Variants in SDK2 observed in about 807,000 individuals in gnomAD.
SDK2 encodes the protein protein sidekick-2.
Under a neutral mutation model 253.9 loss-of-function variants are expected in SDK2, and 105 were observed. The ratio of observed to expected loss-of-function variants is 0.41; its 90% confidence interval spans 0.35 to 0.49. The LOEUF is 0.49. Ranked by LOEUF, SDK2 falls within the 20% of genes least tolerant of loss-of-function variation. SDK2 has a pLI of 0.06. For synonymous variants in SDK2, 1,249 were observed against 1,234.9 expected (o/e 1.01, Z -0.24); for missense variants, 2,608 against 3,003.0 (o/e 0.87, Z 3.07).
Position 73,570,002 on chromosome 17 carries a change from T to G in SDK2, c.65-62405A>C, listed in dbSNP as rs1156631059. Among the ~76,000 whole-genome samples, 4 of 152,076 alleles carry G rather than the reference T, an allele frequency of 2.6e-5. No homozygotes were observed. The highest frequency in any genetic ancestry group is 4.4e-5 in the Non-Finnish European group (3 of 68,002). The stretch of plus-strand genomic sequence containing the variant: ...GCAGCCATGGACACGGGACACTTAC[T>G]CTGGGTGAAGGATGAGGAGCAGGAC... On this transcript the variant is annotated intron_variant, in intron 1 of 44. Transcript: ENST00000392650. This position sits in a 1 kb window ranked among gnomAD's most constrained non-coding sequence, Gnocchi z 4.2.
chr17:73,486,156 G>A (rs1010227093), intron 2 of SDK2, among the ~76,000 whole-genome samples: 1 of 152,050 alleles, frequency 6.6e-6, no homozygotes, highest in Non-Finnish European at 1.5e-5. Flanking sequence ...GGAGAGGAGG[G>A]GTCTGGACAG....
At chr17:73,568,855 C>A (rs988429882) in intron 1 of SDK2, among the ~76,000 whole-genome samples, 1 of 152,198 alleles carries the variant, frequency 6.6e-6, no homozygotes, top group Non-Finnish European at 1.5e-5. Flanking sequence ...CGCTGGACAG[C>A]AGGGCCCACC....
intron 20 of SDK2, 118 bp from the exon 21 acceptor site, chr17:73,401,329 G>T: frequency 1.0e-6 from 1 of 968,808 alleles, no homozygotes; most frequent in East Asian, 2.6e-5. Context: ...GGGAGCAATG[G>T]GGCCAAGGGA....
intron 1 of SDK2, among the ~76,000 whole-genome samples, chr17:73,588,803 A>G (rs1442034639): frequency 6.6e-6 from 1 of 152,252 alleles, no homozygotes; most frequent in Admixed American, 6.5e-5. Context: ...TCCAGGGCCA[A>G]TGCACAAGCA....
intron 39 of SDK2, among the ~76,000 whole-genome samples, chr17:73,359,566 C>T (rs2062623728): frequency 6.6e-6 from 1 of 152,214 alleles, no homozygotes; most frequent in African/African-American, 2.4e-5. Flanking sequence ...CAGGAGCTTC[C>T]AGCGAGTCCA....
At position 73,483,691 on chromosome 17, in the gene SDK2, ATATATATATATATATATTTT is replaced by A. The variant is rs1467914852; in HGVS notation, c.225-11493_225-11474del. 2.4e-3 allele frequency among the ~76,000 whole-genome samples: 166 copies of A among 69,118 alleles called. 2 individuals carry two copies. Among genetic ancestry groups the A allele is most frequent in the Middle Eastern group, 0.017 (3 of 178 alleles). The allele number at this position is 69,118 out of a possible 152,430, so 45.3% of individuals were successfully genotyped here. A position where few individuals can be genotyped will look rare whatever the true frequency, so the allele number is the denominator to read the frequency against. On this transcript the variant is annotated intron_variant, in intron 2 of 44. Transcript: ENST00000392650. ...TATATATATATATATATTTATATAT[ATATATATATATATATATTTT>A]TTTTTTTTTTTAGTAGAGTTGGGGT...
At chr17:73,509,902 C>CAAAAAAAAGAAAAAAAAAAAAAAA (rs2063965966) in intron 1 of SDK2, among the ~76,000 whole-genome samples, 1 of 25,394 alleles carries the variant, frequency 3.9e-5, no homozygotes, top group Non-Finnish European at 7.0e-5. Flanking sequence ...TCCATCTCTA[C>CAAAAAAAAGAAAAAAAAAAAAAAA]AAAAAAAAAA....
chr17:73,388,469 G>C (rs570718456), intron 29 of SDK2, among the ~76,000 whole-genome samples: 1 of 152,030 alleles, frequency 6.6e-6, no homozygotes, highest in Non-Finnish European at 1.5e-5. Context: ...CCCCAGCCTC[G>C]CTGCCCCGCC....
intron 37 of SDK2, among the ~76,000 whole-genome samples, chr17:73,368,032 C>T (rs1213852934): frequency 1.3e-5 from 2 of 152,186 alleles, no homozygotes; most frequent in Admixed American, 6.5e-5. Flanking sequence ...GCTCATAAGA[C>T]ACTCAGTATT....
chr17:73,402,401 A>T (rs1308839919), intron 18 of SDK2, among the ~76,000 whole-genome samples: 1 of 152,252 alleles, frequency 6.6e-6, no homozygotes, highest in Non-Finnish European at 1.5e-5. Flanking sequence ...CTCGTACTCA[A>T]TTCTCACAGA....
At chr17:73,479,932 A>T (rs1002582409) in intron 2 of SDK2, among the ~76,000 whole-genome samples, 1 of 152,234 alleles carries the variant, frequency 6.6e-6, no homozygotes, top group Non-Finnish European at 1.5e-5. Context: ...ACCTCAGGTG[A>T]TCCACCTCCT....
intron 44 of SDK2, among the ~76,000 whole-genome samples, chr17:73,344,034 AC>A (rs1207930261): frequency 6.6e-6 from 1 of 151,970 alleles, no homozygotes; most frequent in African/African-American, 2.4e-5. Flanking sequence ...GGATGCCTCT[AC>A]CCGGGGGGCC....
At chr17:73,499,041 G>A (rs1003780138) in intron 2 of SDK2, among the ~76,000 whole-genome samples, 8 of 152,204 alleles carry the variant, frequency 5.3e-5, no homozygotes, top group Non-Finnish European at 8.8e-5. Context: ...AGCTTGGCTC[G>A]GTTCCTGGCA....
At chr17:73,392,693 T>C (rs2062937988) in intron 27 of SDK2, among the ~76,000 whole-genome samples, 1 of 152,118 alleles carries the variant, frequency 6.6e-6, no homozygotes, top group East Asian at 1.9e-4. Context: ...TGCAAACATA[T>C]GGTATTTGGG....
chr17:73,362,312 T>A (rs1197079875), intron 38 of SDK2, among the ~76,000 whole-genome samples: 3 of 152,124 alleles, frequency 2.0e-5, no homozygotes, highest in Non-Finnish European at 4.4e-5. Flanking sequence ...GGGACACACT[T>A]TTGACCAGGT....
At chr17:73,396,283 C>T (rs2062970109) in intron 24 of SDK2, among the ~76,000 whole-genome samples, 1 of 152,100 alleles carries the variant, frequency 6.6e-6, no homozygotes, top group Non-Finnish European at 1.5e-5. Context: ...GTGTGGATGA[C>T]CATGGGCAGT....
At chr17:73,375,351 C>T (rs1256783358) in intron 36 of SDK2, among the ~76,000 whole-genome samples, 4 of 149,904 alleles carry the variant, frequency 2.7e-5, no homozygotes, top group Non-Finnish European at 5.9e-5. Context: ...AGGCACTCCT[C>T]CCACCTCCCA....
intron 2 of SDK2, among the ~76,000 whole-genome samples, chr17:73,484,159 A>G (rs1452055895): frequency 1.3e-5 from 2 of 151,818 alleles, no homozygotes; most frequent in Non-Finnish European, 2.9e-5. Context: ...GTTGGGGAGG[A>G]CTCCTTTGTC....
chr17:73,398,304 G>C lies in SDK2; in HGVS notation c.3203+16C>G. 6.2e-7 allele frequency: 1 copy of C among 1,605,294 alleles called. No homozygotes were observed. The highest frequency in any genetic ancestry group is 8.5e-7 in the Non-Finnish European group (1 of 1,173,080). On this transcript the variant is annotated intron_variant, in intron 23 of 44. Transcript: ENST00000392650. ...GCCCTGAGGCTGCTGCCTTCTCCCC[G>C]GGCCAGTCTCATTACCTGTAGCAGG... is the stretch of plus-strand genomic sequence containing the variant.
Sources: allele counts gnomAD v4.1 joint callset (sites outside exome capture counted in the v4.1 genomes callset), GRCh38; gene constraint gnomAD v4.1.1; non-coding constraint Gnocchi (gnomAD v3.1); transcripts MANE v1.5; gene names NCBI Gene and HGNC (gene_info 2026-07-23, HGNC 2026-07-21).